BAZ2B: variants seen among roughly 807,000 people sequenced by gnomAD.
The protein encoded by BAZ2B is bromodomain adjacent to zinc finger domain 2B, also known as bromodomain adjacent to zinc finger domain protein 2B.
A neutral mutation model predicts 246.0 loss-of-function variants in BAZ2B; 91 were observed. The ratio of observed to expected loss-of-function variants is 0.37; its 90% CI spans 0.31 to 0.44. BAZ2B has a LOEUF of 0.44. Among genes scored for constraint, BAZ2B ranks in the 20% least tolerant of loss-of-function variants. The probability of loss-of-function intolerance (pLI) is 1.00; values close to 1 mark genes in which losing one functional copy is unlikely to be tolerated. For missense variants in BAZ2B, 2,332 were observed against 2,533.7 expected, an observed-to-expected ratio of 0.92 and a Z score of 1.71; for synonymous variants, 855 against 860.0, an observed-to-expected ratio of 0.99 and a Z score of 0.10.
chr2:159,517,463 T>C (rs2083551091), intron 2 of BAZ2B, among the ~76,000 whole-genome samples: 1 of 152,074 alleles, frequency 6.6e-6, no homozygotes, highest in Non-Finnish European at 1.5e-5. Context: ...TCTAGATAAT[T>C]CTGTAAATTC....
chr2:159,527,442 G>GT (rs5835747), intron 2 of BAZ2B, among the ~76,000 whole-genome samples: 8,360 of 152,220 alleles, frequency 0.055, 563 homozygotes, highest in Admixed American at 0.21. Context: ...CAAAGCAAAT[G>GT]TTTTTAATTT....
intron 25 of BAZ2B, among the ~76,000 whole-genome samples, chr2:159,377,208 A>G (rs2061496041): frequency 6.6e-6 from 1 of 152,216 alleles, no homozygotes; most frequent in South Asian, 2.1e-4. Flanking sequence ...CCTTTAAGGA[A>G]GGTAACTACC....
chr2:159,569,658 TC>T (rs1683470390), intron 1 of BAZ2B, among the ~76,000 whole-genome samples: 1 of 152,142 alleles, frequency 6.6e-6, no homozygotes, highest in Non-Finnish European at 1.5e-5. Flanking sequence ...ATTTTTCTTG[TC>T]ATAGTGTTTC....
chr2:159,419,381 A>AT (rs1186359494), intron 13 of BAZ2B, among the ~76,000 whole-genome samples: 4 of 152,160 alleles, frequency 2.6e-5, no homozygotes, highest in African/African-American at 9.7e-5. Context: ...AAAAATCAAA[A>AT]TTTTGTTGGA....
intron 27 of BAZ2B, among the ~76,000 whole-genome samples, chr2:159,363,306 A>G (rs1039326713): frequency 6.6e-6 from 1 of 152,118 alleles, no homozygotes; most frequent in African/African-American, 2.4e-5. Flanking sequence ...TAGTGTAGTT[A>G]CTCTAACACA....
chr2:159,490,303 T>C (rs72965172), intron 2 of BAZ2B, among the ~76,000 whole-genome samples: 40,746 of 152,074 alleles, frequency 0.27, 6,900 homozygotes, highest in Non-Finnish European at 0.38. Context: ...CTTTAAAAAA[T>C]GGTCCAATTA....
chr2:159,696,450 T>G, the BAZ2B span, among the ~76,000 whole-genome samples: 1 of 152,180 alleles, frequency 6.6e-6, no homozygotes, highest in Non-Finnish European at 1.5e-5. Flanking sequence ...TTTACCCTCT[T>G]CTCCCCTAAT....
the BAZ2B span, among the ~76,000 whole-genome samples, chr2:159,647,454 T>C: frequency 5.9e-5 from 9 of 152,270 alleles, no homozygotes; most frequent in South Asian, 8.3e-4. Flanking sequence ...ACATCCACAT[T>C]AGGGAGAACA....
chr2:159,316,547 G>A (rs761757570), downstream of BAZ2B, among the ~76,000 whole-genome samples: 12 of 151,680 alleles, frequency 7.9e-5, no homozygotes, highest in Non-Finnish European at 1.3e-4. Context: ...AAAATTAGCC[G>A]GGCGTGGTGG....
In BAZ2B at chr2:159,439,349, A is replaced by G. The variant is rs548875671; in HGVS notation, c.697-137T>C. The G allele has an allele frequency of 7.0e-5, 53 of 762,082 alleles. No homozygotes were observed. In the South Asian group the frequency reaches 8.8e-4, roughly 13 times the overall value. 47.2% of individuals were successfully genotyped at this position (762,082 alleles called of 1,614,324 possible). A position where few individuals can be genotyped will look rare whatever the true frequency, so the allele number is the denominator to read the frequency against. ...ATTGTAGGAAAAAGTCACATATCGT[A>G]AGGATAATTATTTAACAAACTGATC... On this transcript the variant is annotated intron_variant, in intron 6 of 36. Transcript: ENST00000392783.
At chr2:159,700,618 G>GT in the BAZ2B span, among the ~76,000 whole-genome samples, 1 of 152,032 alleles carries the variant, frequency 6.6e-6, no homozygotes, top group South Asian at 2.1e-4. Context: ...GCTAATTTTT[G>GT]TATTTTTTTG....
At chr2:159,453,150 G>C (rs937708599) in intron 4 of BAZ2B, among the ~76,000 whole-genome samples, 3 of 151,964 alleles carry the variant, frequency 2.0e-5, no homozygotes, top group African/African-American at 4.8e-5. Flanking sequence ...AAATTTAAGA[G>C]TCTAGCTCAT....
intron 2 of BAZ2B, among the ~76,000 whole-genome samples, chr2:159,507,310 T>A (rs2082433086): frequency 6.6e-6 from 1 of 151,886 alleles, no homozygotes; most frequent in African/African-American, 2.4e-5. Flanking sequence ...AGGCAACAGA[T>A]CAACAGCTGA....
At chr2:159,635,258 C>T in the BAZ2B span, among the ~76,000 whole-genome samples, 1 of 152,280 alleles carries the variant, frequency 6.6e-6, no homozygotes, top group East Asian at 1.9e-4. Context: ...GCTTCTGCTT[C>T]TGCCAAGAAA....
intron 35 of BAZ2B, 123 bp from the exon 36 acceptor site, chr2:159,325,077 T>TTATATA (rs1209767618): frequency 0.014 from 34 of 2,446 alleles, 2 homozygotes; most frequent in African/African-American, 0.025. Flanking sequence ...TATATATATA[T>TTATATA]TATATATATA....
intron 2 of BAZ2B, among the ~76,000 whole-genome samples, chr2:159,541,764 CT>C (rs1352164542): frequency 6.6e-6 from 1 of 152,058 alleles, no homozygotes; most frequent in Non-Finnish European, 1.5e-5. Context: ...TACTGGAGTT[CT>C]TTTTTTCTTC....
chr2:159,404,842 C>G lies in BAZ2B; in HGVS notation c.2832+7G>C. ...TTTTAAAAGTCACTTCCAATGTATA[C>G]ACATACCTGCTGTTTCATAATCTTT... On this transcript the variant is annotated splice_region_variant and intron_variant, in intron 16 of 36. Transcript: ENST00000392783. The G allele has an allele frequency of 6.2e-7, 1 of 1,610,258 alleles. No homozygotes were observed. The highest frequency in any genetic ancestry group is 8.5e-7 in the Non-Finnish European group (1 of 1,178,222).
At chr2:159,519,239 T>C (rs2083816971) in intron 2 of BAZ2B, among the ~76,000 whole-genome samples, 2 of 83,742 alleles carry the variant, frequency 2.4e-5, no homozygotes, top group Non-Finnish European at 4.7e-5. Flanking sequence ...TTTTTTTTTT[T>C]TGAGACGGAG....
At chr2:159,458,773 C>A (rs1048830055) in intron 3 of BAZ2B, 2 of 152,070 alleles carry the variant, frequency 1.3e-5, no homozygotes, top group Non-Finnish European at 2.9e-5. Flanking sequence ...TAAAAGATTC[C>A]TAAAGATTTT....
Sources: allele counts gnomAD v4.1 joint callset (sites outside exome capture counted in the v4.1 genomes callset), GRCh38; gene constraint gnomAD v4.1.1; transcripts MANE v1.5; gene names NCBI Gene and HGNC (gene_info 2026-07-23, HGNC 2026-07-21).